ENO4: variants seen among roughly 807,000 people sequenced by gnomAD.
ENO4 encodes the protein 2-phospho-D-glycerate hydro-lyase.
In ENO4, 53 loss-of-function variants were observed where a neutral mutation model predicts 63.2. That is an observed-to-expected ratio of 0.84 (90% CI 0.67 to 1.05). ENO4 has a LOEUF of 1.05. Ranked by LOEUF, ENO4 falls within the 50% of genes least tolerant of loss-of-function variation. The pLI is 0.00. For missense variants in ENO4, 719 were observed against 772.0 expected (o/e 0.93, Z 0.81); for synonymous variants, 266 against 283.8 (o/e 0.94, Z 0.63).
rs1277846320 is a variant in ENO4 at position 116,856,577 on chromosome 10, G to A, written c.380G>A (p.Arg127Lys). 2 of 1,536,164 alleles carry A rather than the reference G, an allele frequency of 1.3e-6. No homozygotes were observed. Among genetic ancestry groups the A allele is most frequent in the Non-Finnish European group, 1.7e-6 (2 of 1,146,908 alleles). The stretch of plus-strand genomic sequence containing the variant: ...CTGGCCAAGGCGGAGGAGGCAGAGA[G>A]GGCCAGCGCGGTGAGCACCGCCGTG... ...PELAKAEEAE[R>K]ASAVSTAVQW... is the part of the protein sequence containing the mutation. The change falls in exon 3 of 14, where the codon AGG becomes AAG. Residue 127 changes from arginine (R) to lysine (K), a missense_variant. Arg to Lys is a conservative substitution (Grantham distance 26, BLOSUM62 2). Coordinates refer to ENST00000341276, the MANE Select transcript of ENO4 (RefSeq NM_001242699.2).
Position 116,861,047 on chromosome 10 carries a change from C to A in ENO4, c.805-12C>A, listed in dbSNP as rs973850332. The A allele has an allele frequency of 6.5e-6, 10 of 1,546,826 alleles. No homozygotes were observed. Among genetic ancestry groups the A allele is most frequent in the Non-Finnish European group, 8.7e-6 (10 of 1,145,188 alleles). Reference sequence around the variant, plus strand: ...CTGTTTCTCATTTTCCCTCGTTTTCCCCCTATTTCAGGAACAGCCAACAAC... The same window carrying A: ...CTGTTTCTCATTTTCCCTCGTTTTCACCCTATTTCAGGAACAGCCAACAAC... On this transcript the variant is annotated splice_polypyrimidine_tract_variant and intron_variant, in intron 5 of 13. Coordinates refer to ENST00000341276, the MANE Select transcript of ENO4 (RefSeq NM_001242699.2).
downstream of ENO4, chr10:116,911,850 T>C: frequency 6.2e-7 from 1 of 1,606,526 alleles, no homozygotes; most frequent in Non-Finnish European, 8.5e-7. Flanking sequence ...CTGGCTATAA[T>C]TTTAATAAGA....
intron 10 of ENO4, chr10:116,900,205 G>A (rs1361854643): frequency 8.1e-6 from 2 of 245,504 alleles, no homozygotes; most frequent in Admixed American, 5.2e-5. Flanking sequence ...GAATAATCGA[G>A]CATTAGGTTT....
chr10:116,852,822 A>G (rs1247028362), intron 1 of ENO4, among the ~76,000 whole-genome samples: 2 of 152,128 alleles, frequency 1.3e-5, no homozygotes, highest in Admixed American at 1.3e-4. Context: ...GGCACTGGAC[A>G]TTGAGTGAAA....
chr10:116,892,595 A>G (rs1330213513), intron 10 of ENO4, among the ~76,000 whole-genome samples: 2 of 152,176 alleles, frequency 1.3e-5, no homozygotes, highest in Admixed American at 6.5e-5. Context: ...TTTTCATTCT[A>G]TGTTTTCAGG....
At chr10:116,869,980 TTAG>T (rs1025378177) in intron 8 of ENO4, among the ~76,000 whole-genome samples, 1 of 152,190 alleles carries the variant, frequency 6.6e-6, no homozygotes, top group Non-Finnish European at 1.5e-5. Flanking sequence ...TACCTGGCAT[TTAG>T]TAAGCACCAA....
At chr10:116,894,265 T>C (rs1192401331) in intron 10 of ENO4, among the ~76,000 whole-genome samples, 1 of 152,170 alleles carries the variant, frequency 6.6e-6, no homozygotes, top group African/African-American at 2.4e-5. Flanking sequence ...ACATAGAAAT[T>C]AAATGCAAAT....
chr10:116,896,567 C>T (rs1306212345), intron 10 of ENO4, among the ~76,000 whole-genome samples: 2 of 152,000 alleles, frequency 1.3e-5, no homozygotes. Flanking sequence ...ATAGCTATGT[C>T]CAAAAATTGA....
intron 10 of ENO4, among the ~76,000 whole-genome samples, chr10:116,905,208 CAAA>C (rs772309175): frequency 1.6e-5 from 1 of 63,410 alleles, no homozygotes; most frequent in African/African-American, 4.9e-5. Flanking sequence ...GACTCCGTCT[CAAA>C]AAAAAAAAAA....
chr10:116,853,239 G>A (rs995606968), intron 1 of ENO4, among the ~76,000 whole-genome samples: 1 of 142,634 alleles, frequency 7.0e-6, no homozygotes, highest in Non-Finnish European at 1.5e-5. Context: ...AGCTTGCAGC[G>A]AGCCAAGATT....
rs1019464122 is a variant in ENO4, at chr10:116,882,170, A to G, written c.*501A>G. 6.6e-6 allele frequency: 1 copy of G among 152,286 alleles called. No individual in the cohort carries two copies. Among genetic ancestry groups the G allele is most frequent in the African/African-American group, 2.4e-5 (1 of 41,440 alleles). 9.4% of individuals were successfully genotyped at this position (152,286 alleles called of 1,614,324 possible). A position where few individuals can be genotyped will look rare whatever the true frequency, so the allele number is the denominator to read the frequency against. The stretch of plus-strand genomic sequence containing the variant: ...AGCATCACCATTTTTTGTAAGAGCC[A>G]ATTTCATCTCACTTTCCTACCCTTG... On this transcript the variant is annotated 3_prime_UTR_variant, in exon 14 of 14. Coordinates refer to ENST00000341276, the MANE Select transcript of ENO4 (RefSeq NM_001242699.2).
At chr10:116,911,390 A>G in intron 10 of ENO4, 2 of 1,409,126 alleles carry the variant, frequency 1.4e-6, no homozygotes, top group Non-Finnish European at 1.9e-6. Flanking sequence ...TTTGGGGAGG[A>G]ATTTAGCTTC....
At chr10:116,858,381 A>G (rs1846326954) in intron 3 of ENO4, among the ~76,000 whole-genome samples, 1 of 152,236 alleles carries the variant, frequency 6.6e-6, no homozygotes, top group Non-Finnish European at 1.5e-5. Flanking sequence ...CTCATACTTT[A>G]AAGGCATTGC....
chr10:116,884,345 T>C (rs1301226894), downstream of ENO4: 7 of 438,336 alleles, frequency 1.6e-5, no homozygotes, highest in Non-Finnish European at 3.3e-5. Flanking sequence ...GTGAATATCT[T>C]CCATCAAATA....
chr10:116,901,773 A>G (rs1290798589), intron 10 of ENO4: 1 of 1,595,160 alleles, frequency 6.3e-7, no homozygotes, highest in Non-Finnish European at 8.5e-7. Context: ...ACTGAAACGT[A>G]ACCTTGGAAC....
At chr10:116,901,939 G>A (rs949741439) in intron 10 of ENO4, 1 of 1,599,794 alleles carries the variant, frequency 6.3e-7, no homozygotes, top group Non-Finnish European at 8.5e-7. Flanking sequence ...CTCTGAGGTG[G>A]CTAATATCCC....
chr10:116,898,667 T>C (rs891837834), intron 10 of ENO4, among the ~76,000 whole-genome samples: 1 of 152,168 alleles, frequency 6.6e-6, no homozygotes, highest in African/African-American at 2.4e-5. Flanking sequence ...TAGCTATTAT[T>C]AAAATAGAAA....
At chr10:116,850,908 C>T in intron 1 of ENO4, among the ~76,000 whole-genome samples, 1 of 152,194 alleles carries the variant, frequency 6.6e-6, no homozygotes, top group East Asian at 1.9e-4. Flanking sequence ...GTCCCTAGTA[C>T]CCAGCAGAGT....
chr10:116,863,223 C>T (rs1166509893), intron 7 of ENO4, among the ~76,000 whole-genome samples: 1 of 152,192 alleles, frequency 6.6e-6, no homozygotes, highest in Non-Finnish European at 1.5e-5. Context: ...CCTGGCAGAG[C>T]AGCCCTCTTA....
Sources: allele counts gnomAD v4.1 joint callset (sites outside exome capture counted in the v4.1 genomes callset), GRCh38; gene constraint gnomAD v4.1.1; transcripts MANE v1.5; gene names NCBI Gene and HGNC (gene_info 2026-07-23, HGNC 2026-07-21).